The following CCSER1 variants were observed in gnomAD, a reference collection of about 807,000 sequenced individuals.
The protein encoded by CCSER1 is serine-rich coiled-coil domain-containing protein 1.
In CCSER1, 41 loss-of-function variants were observed where a neutral mutation model predicts 82.0. The observed-to-expected ratio is 0.50, with a 90% CI of 0.39 to 0.65. The LOEUF (loss-of-function observed/expected upper bound fraction) is 0.65. CCSER1 is among the 30% of genes least tolerant of loss of function. The pLI, the probability that CCSER1 is intolerant of heterozygous loss-of-function variation, is 0.00. For synonymous variants in CCSER1, 414 were observed against 383.9 expected (o/e 1.08, Z -0.92); for missense variants, 1,119 against 1,064.2 (o/e 1.05, Z -0.72).
intron 8 of CCSER1, among the ~76,000 whole-genome samples, chr4:90,905,684 C>T (rs1045017251): frequency 2.6e-5 from 4 of 152,194 alleles, no homozygotes; most frequent in Admixed American, 1.3e-4. Flanking sequence ...AGTGAAATAG[C>T]GAGAACAATG....
intron 5 of CCSER1, among the ~76,000 whole-genome samples, chr4:90,539,464 A>C (rs1389651479): frequency 6.6e-6 from 1 of 152,092 alleles, no homozygotes; most frequent in Non-Finnish European, 1.5e-5. Flanking sequence ...ACCCTGTTGT[A>C]AGCTCTCATA....
At chr4:91,221,905 A>G (rs1428540578) in intron 10 of CCSER1, among the ~76,000 whole-genome samples, 1 of 152,120 alleles carries the variant, frequency 6.6e-6, no homozygotes, top group Non-Finnish European at 1.5e-5. Context: ...GCAAAAACAT[A>G]TTGTCCGAAA....
At chr4:90,357,249 T>A (rs894070334) in intron 3 of CCSER1, among the ~76,000 whole-genome samples, 2 of 151,950 alleles carry the variant, frequency 1.3e-5, no homozygotes, top group African/African-American at 4.8e-5. Context: ...CCATAGCAGG[T>A]ATAGGCCACT....
chr4:90,189,162 G>T (rs1244290575), intron 1 of CCSER1, among the ~76,000 whole-genome samples: 1 of 151,876 alleles, frequency 6.6e-6, no homozygotes, highest in East Asian at 1.9e-4. Context: ...TCCTTTAGCT[G>T]CCATGTTGTC....
At chr4:90,625,120 T>A (rs1470715707) in intron 5 of CCSER1, among the ~76,000 whole-genome samples, 1 of 152,172 alleles carries the variant, frequency 6.6e-6, no homozygotes, top group Non-Finnish European at 1.5e-5. Flanking sequence ...AGTGAACGAA[T>A]TGTATTATCC....
At chr4:91,460,509 C>T (rs1475735678) in intron 10 of CCSER1, among the ~76,000 whole-genome samples, 1 of 151,988 alleles carries the variant, frequency 6.6e-6, no homozygotes, top group Non-Finnish European at 1.5e-5. Context: ...AGAAGAGAAA[C>T]AATTTTTGTG....
intron 3 of CCSER1, among the ~76,000 whole-genome samples, chr4:90,314,644 C>G (rs961093981): frequency 5.9e-5 from 9 of 151,814 alleles, no homozygotes; most frequent in Admixed American, 1.3e-4. Context: ...TCCAGCTACT[C>G]AGGAGGCTGA....
In CCSER1 at chr4:90,651,565, C is replaced by T. The variant is rs566634977; in HGVS notation, c.1932+23333C>T. Reference sequence around the variant, plus strand: ...GTGGTGGGGGATAGGGGAGGGATAGCATTAGGAGAAATAGCTAATGTAGGT... The same window carrying T: ...GTGGTGGGGGATAGGGGAGGGATAGTATTAGGAGAAATAGCTAATGTAGGT... On this transcript the variant is annotated intron_variant, in intron 6 of 10. Transcript: ENST00000509176. 5.9e-5 allele frequency among the ~76,000 whole-genome samples: 9 copies of T among 152,140 alleles called. No individual in the cohort carries two copies. In the South Asian group the frequency reaches 1.7e-3, roughly 28 times the overall value.
At chr4:90,546,014 G>C (rs1236305942) in intron 5 of CCSER1, among the ~76,000 whole-genome samples, 1 of 152,102 alleles carries the variant, frequency 6.6e-6, no homozygotes. Context: ...TTTCTTATAA[G>C]ATATAGTTTG....
At chr4:90,799,695 C>T (rs950503328) in intron 7 of CCSER1, among the ~76,000 whole-genome samples, 5 of 152,160 alleles carry the variant, frequency 3.3e-5, no homozygotes, top group South Asian at 4.1e-4. Context: ...CCATGACTAA[C>T]GTCTCCTATG....
intron 10 of CCSER1, among the ~76,000 whole-genome samples, chr4:91,357,912 C>T (rs1459613848): frequency 9.4e-6 from 1 of 106,212 alleles, no homozygotes; most frequent in Non-Finnish European, 1.8e-5. Context: ...TTGAAGATAA[C>T]CATTCCTTTT....
chr4:90,347,644 TATCAGAGGCCCAAGCTGAGGTCCC>T (rs1422557861), intron 3 of CCSER1, among the ~76,000 whole-genome samples: 1 of 152,126 alleles, frequency 6.6e-6, no homozygotes, highest in Non-Finnish European at 1.5e-5. Flanking sequence ...TGTCATGATT[TATCAGAGGCCCAAGCTGAGGTCCC>T]ATCAGAGGCC....
At chr4:91,220,963 T>C (rs1737694123) in intron 10 of CCSER1, among the ~76,000 whole-genome samples, 1 of 152,102 alleles carries the variant, frequency 6.6e-6, no homozygotes, top group African/African-American at 2.4e-5. Flanking sequence ...AATGGTGTAG[T>C]TGAAAAATTA....
Position 91,601,920 on chromosome 4 carries a change from T to A in CCSER1, c.*2863T>A, listed in dbSNP as rs1449772590. On this transcript the variant is annotated 3_prime_UTR_variant, in exon 11 of 11. Coordinates refer to ENST00000509176, the MANE Select transcript of CCSER1 (RefSeq NM_001145065.2). ...ATTGGAACATGAAACTGTATTTCTATGAACTCAATGATTTTTTTCCATAAA... is the reference window on the plus strand; with the variant it reads ...ATTGGAACATGAAACTGTATTTCTAAGAACTCAATGATTTTTTTCCATAAA... 6.6e-6 allele frequency: 1 copy of A among 152,090 alleles called. No individual in the cohort carries two copies. The allele number at this position is 152,090 out of a possible 1,614,324, so 9.4% of individuals were successfully genotyped here.
At chr4:90,284,149 TTTTTA>T (rs143703845) in intron 1 of CCSER1, among the ~76,000 whole-genome samples, 1,631 of 152,138 alleles carry the variant, frequency 0.011, 15 homozygotes, top group African/African-American at 0.023. Flanking sequence ...CATTTGCTGA[TTTTTA>T]TTGTATTATT....
At chr4:90,437,437 T>C (rs1406578691) in intron 4 of CCSER1, among the ~76,000 whole-genome samples, 1 of 152,184 alleles carries the variant, frequency 6.6e-6, no homozygotes, top group Non-Finnish European at 1.5e-5. Context: ...GAGATAGGAA[T>C]ACAAATAGTG....
chr4:90,166,178 A>G (rs755121484), intron 1 of CCSER1, among the ~76,000 whole-genome samples: 2 of 152,070 alleles, frequency 1.3e-5, no homozygotes, highest in South Asian at 2.1e-4. Flanking sequence ...AAACGTTACT[A>G]TAAAAGAGGC....
intron 5 of CCSER1, among the ~76,000 whole-genome samples, chr4:90,492,889 T>G (rs1434897559): frequency 6.6e-6 from 1 of 152,128 alleles, no homozygotes; most frequent in Non-Finnish European, 1.5e-5. Context: ...AGAGATAGTT[T>G]GTTAAAGCTT....
chr4:90,883,068 T>TA (rs1721581808), intron 8 of CCSER1, among the ~76,000 whole-genome samples: 1 of 152,056 alleles, frequency 6.6e-6, no homozygotes, highest in Non-Finnish European at 1.5e-5. Flanking sequence ...GTAACCTTTC[T>TA]ATCAACACAC....
Sources: gnomAD v4.1 joint callset for allele counts (sites outside exome capture counted in the v4.1 genomes callset) on GRCh38, gnomAD v4.1.1 for gene constraint, MANE v1.5 for transcripts, NCBI Gene and HGNC (gene_info 2026-07-23, HGNC 2026-07-21) for gene names.